GRB14: variants seen among roughly 807,000 people sequenced by gnomAD.
The protein encoded by GRB14 is growth factor receptor bound protein 14, also known as growth factor receptor-bound protein 14.
GRB14 carries 38 observed loss-of-function variants against 69.1 expected under a neutral mutation model. That is an observed-to-expected ratio of 0.55 (90% confidence interval 0.42 to 0.72). GRB14 has a LOEUF of 0.72. Among genes scored for constraint, GRB14 ranks in the 30% least tolerant of loss-of-function variants. The pLI, the probability that GRB14 is intolerant of heterozygous loss-of-function variation, is 0.00. For missense variants in GRB14, 666 were observed against 666.1 expected (o/e 1.00, Z 0.00); for synonymous variants, 247 against 241.3 (o/e 1.02, Z -0.22).
intron 12 of GRB14, among the ~76,000 whole-genome samples, chr2:164,496,030 T>A (rs189210894): frequency 3.3e-5 from 5 of 152,342 alleles, no homozygotes; most frequent in Non-Finnish European, 7.4e-5. Context: ...ATTGTTCAAA[T>A]TTATTTCCAA....
chr2:164,508,306 G>C (rs1479778692), intron 8 of GRB14, 149 bp downstream of exon 8: 10 of 616,928 alleles, frequency 1.6e-5, no homozygotes, highest in Non-Finnish European at 2.5e-5. Flanking sequence ...TTATCATTTA[G>C]AATTTTAAAA....
intron 6 of GRB14, among the ~76,000 whole-genome samples, chr2:164,512,699 G>A (rs909166136): frequency 6.6e-6 from 1 of 152,140 alleles, no homozygotes; most frequent in African/African-American, 2.4e-5. Context: ...CCACACACAA[G>A]AACAGCAACA....
chr2:164,555,155 C>G (rs1688645881), intron 2 of GRB14, among the ~76,000 whole-genome samples: 1 of 152,206 alleles, frequency 6.6e-6, no homozygotes. Context: ...AGCAGTCAGC[C>G]TTTCTCCTCC....
intron 2 of GRB14, among the ~76,000 whole-genome samples, chr2:164,563,492 G>A (rs1235982083): frequency 6.6e-6 from 1 of 152,144 alleles, no homozygotes; most frequent in Non-Finnish European, 1.5e-5. Flanking sequence ...ACAATGGCAC[G>A]TTAACTGGTA....
intron 9 of GRB14, among the ~76,000 whole-genome samples, chr2:164,499,437 G>T (rs910101578): frequency 9.9e-5 from 15 of 152,156 alleles, no homozygotes; most frequent in Admixed American, 9.2e-4. Flanking sequence ...TTTACCATTG[G>T]TGGACAAAAA....
At chr2:164,500,507 T>G (rs999128995) in intron 9 of GRB14, among the ~76,000 whole-genome samples, 4 of 151,990 alleles carry the variant, frequency 2.6e-5, no homozygotes, top group Non-Finnish European at 5.9e-5. Flanking sequence ...TGGTAAAGAG[T>G]ACTGGCATCT....
intron 3 of GRB14, among the ~76,000 whole-genome samples, chr2:164,545,074 T>C (rs1688338538): frequency 6.6e-6 from 1 of 152,242 alleles, no homozygotes; most frequent in South Asian, 2.1e-4. Context: ...AGGGACGATT[T>C]TGTATATTGG....
intron 2 of GRB14, among the ~76,000 whole-genome samples, chr2:164,588,517 C>T (rs1169930405): frequency 2.0e-5 from 3 of 152,012 alleles, no homozygotes; most frequent in Admixed American, 2.0e-4. Context: ...GAGAAAAGTA[C>T]TCTTAACCGT....
At chr2:164,520,813 C>T (rs1687616205) in intron 6 of GRB14, among the ~76,000 whole-genome samples, 2 of 152,070 alleles carry the variant, frequency 1.3e-5, no homozygotes, top group African/African-American at 4.8e-5. Context: ...AATGTGATGC[C>T]ACCTTACTCC....
At chr2:164,504,647 T>C (rs544359527) in intron 8 of GRB14, among the ~76,000 whole-genome samples, 27 of 152,286 alleles carry the variant, frequency 1.8e-4, no homozygotes, top group African/African-American at 6.0e-4. Context: ...CCTTCCCTCT[T>C]CAGCCTCATC....
At chr2:164,583,375 G>A (rs1449849955) in intron 2 of GRB14, among the ~76,000 whole-genome samples, 1 of 152,182 alleles carries the variant, frequency 6.6e-6, no homozygotes, top group East Asian at 1.9e-4. Context: ...AGAAGTTAGG[G>A]GGGAGGTAGA....
intron 2 of GRB14, among the ~76,000 whole-genome samples, chr2:164,619,300 T>C (rs1421577126): frequency 6.6e-6 from 1 of 152,156 alleles, no homozygotes; most frequent in African/African-American, 2.4e-5. Flanking sequence ...TTAAAGAAAG[T>C]ATTAAAGGAA....
chr2:164,501,466 T>C (rs1421238471), intron 9 of GRB14, among the ~76,000 whole-genome samples: 2 of 152,126 alleles, frequency 1.3e-5, no homozygotes, highest in Non-Finnish European at 2.9e-5. Context: ...GAATTCCTAA[T>C]ATACCCTATC....
intron 2 of GRB14, among the ~76,000 whole-genome samples, chr2:164,569,329 T>C (rs1412318139): frequency 6.6e-6 from 1 of 152,132 alleles, no homozygotes; most frequent in Non-Finnish European, 1.5e-5. Context: ...AAAATTTCAA[T>C]GAAGTCTAAA....
intron 2 of GRB14, among the ~76,000 whole-genome samples, chr2:164,591,795 C>T (rs1689670538): frequency 6.6e-6 from 1 of 152,138 alleles, no homozygotes; most frequent in African/African-American, 2.4e-5. Flanking sequence ...CTACTGATCC[C>T]AGTGATATGG....
chr2:164,614,858 G>A (rs776566371), intron 2 of GRB14, among the ~76,000 whole-genome samples: 1 of 152,102 alleles, frequency 6.6e-6, no homozygotes, highest in Non-Finnish European at 1.5e-5. Flanking sequence ...CATCACAAAG[G>A]AATGATATAA....
At chr2:164,618,784 GA>G (rs1690370479) in intron 2 of GRB14, among the ~76,000 whole-genome samples, 1 of 152,170 alleles carries the variant, frequency 6.6e-6, no homozygotes, top group African/African-American at 2.4e-5. Flanking sequence ...AAATAAGAAA[GA>G]GAGCAATAGA....
At chr2:164,548,401 T>C (rs964041028) in intron 2 of GRB14, among the ~76,000 whole-genome samples, 16 of 152,206 alleles carry the variant, frequency 1.1e-4, no homozygotes, top group Non-Finnish European at 2.4e-4. Flanking sequence ...TGTGTGTGTG[T>C]GTAATGCAAA....
chr2:164,544,821 A>T (rs1258870207), intron 3 of GRB14, among the ~76,000 whole-genome samples: 2 of 152,218 alleles, frequency 1.3e-5, no homozygotes, highest in African/African-American at 4.8e-5. Flanking sequence ...CGAGGTTCTG[A>T]CATGTCCTAG....
Sources: allele counts gnomAD v4.1 joint callset (sites outside exome capture counted in the v4.1 genomes callset), GRCh38; gene constraint gnomAD v4.1.1; transcripts MANE v1.5; gene names NCBI Gene and HGNC (gene_info 2026-07-23, HGNC 2026-07-21).